Variants in TLL2 observed in about 807,000 individuals in gnomAD.
TLL2 encodes the protein tolloid-like protein 2.
TLL2 carries 106 observed loss-of-function variants against 123.0 expected under a neutral mutation model. The ratio of observed to expected loss-of-function variants is 0.86; its 90% CI spans 0.74 to 1.01. The LOEUF is 1.01. TLL2 is among the 50% of genes least tolerant of loss of function. The pLI, the probability that TLL2 is intolerant of heterozygous loss-of-function variation, is 0.00. For synonymous variants in TLL2, 494 were observed against 516.8 expected (o/e 0.96, Z 0.60); for missense variants, 1,332 against 1,336.7 (o/e 1.00, Z 0.06).
intron 5 of TLL2, among the ~76,000 whole-genome samples, chr10:96,427,942 G>A (rs1055325816): frequency 3.9e-5 from 6 of 152,112 alleles, no homozygotes; most frequent in Admixed American, 1.3e-4. Flanking sequence ...TTACAGGCAT[G>A]TGCCACCACA....
intron 2 of TLL2, among the ~76,000 whole-genome samples, chr10:96,460,564 A>G (rs1847071622): frequency 6.6e-6 from 1 of 152,168 alleles, no homozygotes; most frequent in African/African-American, 2.4e-5. Flanking sequence ...TTCTCATGAT[A>G]GTGAGTGAGT....
At chr10:96,426,921 A>C (rs567849454) in intron 5 of TLL2, among the ~76,000 whole-genome samples, 1 of 151,984 alleles carries the variant, frequency 6.6e-6, no homozygotes, top group Non-Finnish European at 1.5e-5. Flanking sequence ...GTGGGTTGTA[A>C]GTATTTATTT....
At chr10:96,401,605 C>T (rs544173332) in intron 10 of TLL2, among the ~76,000 whole-genome samples, 51 of 150,764 alleles carry the variant, frequency 3.4e-4, no homozygotes, top group African/African-American at 1.1e-3. Context: ...AAACAAAAAC[C>T]ATCACCACCA....
At chr10:96,423,557 G>T (rs1435301249) in intron 5 of TLL2, among the ~76,000 whole-genome samples, 1 of 151,986 alleles carries the variant, frequency 6.6e-6, no homozygotes, top group Non-Finnish European at 1.5e-5. Context: ...GTACATCTCG[G>T]CTGTAACTCC....
intron 2 of TLL2, among the ~76,000 whole-genome samples, chr10:96,463,921 G>A (rs1847105040): frequency 6.6e-6 from 1 of 152,242 alleles, no homozygotes; most frequent in East Asian, 1.9e-4. Context: ...GCAGTGAAGT[G>A]GAGATCAGGA....
At chr10:96,382,526 A>G (rs1846195291) in intron 16 of TLL2, among the ~76,000 whole-genome samples, 4 of 152,246 alleles carry the variant, frequency 2.6e-5, no homozygotes, top group Admixed American at 2.6e-4. Flanking sequence ...TACGGTTTGA[A>G]TGGGTCCCCC....
At chr10:96,503,804 T>C (rs140214795) in intron 1 of TLL2, among the ~76,000 whole-genome samples, 8 of 152,296 alleles carry the variant, frequency 5.3e-5, no homozygotes, top group African/African-American at 1.9e-4. Context: ...GTCAGATTCC[T>C]AGACAAGGAT....
chr10:96,482,924 A>C (rs1258576360), intron 1 of TLL2, among the ~76,000 whole-genome samples: 14 of 152,256 alleles, frequency 9.2e-5, no homozygotes. Context: ...GTTCAGATAA[A>C]GAAAACTAAG....
intron 1 of TLL2, among the ~76,000 whole-genome samples, chr10:96,488,327 G>A (rs929285665): frequency 4.3e-4 from 66 of 152,212 alleles, no homozygotes; most frequent in Non-Finnish European, 7.2e-4. Context: ...AGCCCTTACC[G>A]ACAACAGCTG....
At chr10:96,392,114 A>G (rs1276298109) in intron 13 of TLL2, among the ~76,000 whole-genome samples, 3 of 152,162 alleles carry the variant, frequency 2.0e-5, no homozygotes. Flanking sequence ...CCCAGCACCA[A>G]CACATAGACT....
rs372642186 is a variant in TLL2 at position 96,413,187 on chromosome 10, G to A, written c.1048+5C>T. The A allele has an allele frequency of 9.4e-5, 151 of 1,613,804 alleles. No individual in the cohort carries two copies. The highest frequency in any genetic ancestry group is 1.2e-4 in the Non-Finnish European group (144 of 1,179,852). ...GTGCTGGCAGTCCCCACGGCTCATA[G>A]TTACCTGGGCATTTGTACAGCTTCC... On this transcript the variant is annotated splice_donor_5th_base_variant and intron_variant, in intron 8 of 20. Transcript: ENST00000357947.
At chr10:96,379,989 G>A (rs1187352148) in intron 16 of TLL2, among the ~76,000 whole-genome samples, 4 of 152,248 alleles carry the variant, frequency 2.6e-5, no homozygotes, top group Non-Finnish European at 5.9e-5. Flanking sequence ...ACACAGCAGA[G>A]GGCCAGCCCT....
chr10:96,490,315 A>G (rs1847399269), intron 1 of TLL2, among the ~76,000 whole-genome samples: 1 of 151,936 alleles, frequency 6.6e-6, no homozygotes, highest in African/African-American at 2.4e-5. Flanking sequence ...CAAAATCCCA[A>G]TTTTTTTTAT....
At chr10:96,429,476 T>C (rs946466921) in intron 4 of TLL2, among the ~76,000 whole-genome samples, 1 of 151,486 alleles carries the variant, frequency 6.6e-6, no homozygotes, top group Non-Finnish European at 1.5e-5. Context: ...ACCTAGAGAG[T>C]AGGAGTTTGT....
chr10:96,385,768 C>T (rs765628448), intron 15 of TLL2, among the ~76,000 whole-genome samples: 18 of 152,198 alleles, frequency 1.2e-4, no homozygotes, highest in Non-Finnish European at 2.1e-4. Context: ...AGACTCACAG[C>T]CCAGTCCTGA....
At chr10:96,409,400 A>G (rs948662311) in intron 9 of TLL2, among the ~76,000 whole-genome samples, 1 of 152,180 alleles carries the variant, frequency 6.6e-6, no homozygotes, top group Admixed American at 6.5e-5. Flanking sequence ...CCTAACCTAG[A>G]CCTAGGGAAC....
intron 1 of TLL2, among the ~76,000 whole-genome samples, chr10:96,483,332 T>A (rs542308098): frequency 6.6e-6 from 1 of 152,294 alleles, no homozygotes; most frequent in Admixed American, 6.5e-5. Context: ...AATGGAGAGC[T>A]ACTGGCAGGA....
chr10:96,472,358 C>T (rs1179913778), intron 2 of TLL2, among the ~76,000 whole-genome samples: 1 of 152,162 alleles, frequency 6.6e-6, no homozygotes, highest in Non-Finnish European at 1.5e-5. Context: ...ACTCCTACCC[C>T]AACAAATAAA....
rs1829785764 is a variant in TLL2, at chr10:96,365,932, T to C, written c.*2156A>G. ...TTCATACTAAAGAGATAAAAAGAAG[T>C]ATCATTGTTTCACCGTCCTGCTGAG... On this transcript the variant is annotated 3_prime_UTR_variant, in exon 21 of 21. Coordinates refer to ENST00000357947, the MANE Select transcript of TLL2 (RefSeq NM_012465.4). The C allele has an allele frequency of 6.6e-6, 1 of 152,232 alleles. No homozygotes were observed. The highest frequency in any genetic ancestry group is 2.4e-5 in the African/African-American group (1 of 41,458). 9.4% of individuals were successfully genotyped at this position (152,232 alleles called of 1,614,324 possible).
Sources: allele counts gnomAD v4.1 joint callset (sites outside exome capture counted in the v4.1 genomes callset), GRCh38; gene constraint gnomAD v4.1.1; transcripts MANE v1.5; gene names NCBI Gene and HGNC (gene_info 2026-07-23, HGNC 2026-07-21).